ATP6V1E2: variants seen among roughly 807,000 people sequenced by gnomAD.
ATP6V1E2 encodes the protein ATPase H+ transporting V1 subunit E2.
For synonymous variants in ATP6V1E2, 121 were observed against 104.2 expected (o/e 1.16, Z -0.98); for missense variants, 308 against 273.3 (o/e 1.13, Z -0.90).
intron 1 of ATP6V1E2, chr2:46,541,902 G>T (rs1018861287): frequency 6.6e-6 from 1 of 152,300 alleles, no homozygotes; most frequent in South Asian, 2.1e-4. Context: ...GAATACCTTT[G>T]AGGAACATTG....
intron 4 of ATP6V1E2, among the ~76,000 whole-genome samples, chr2:46,528,384 C>A (rs920019546): frequency 6.6e-6 from 1 of 152,240 alleles, no homozygotes; most frequent in Non-Finnish European, 1.5e-5. Context: ...TATTCACCCC[C>A]CAAAATAGCC....
At chr2:46,516,591 C>A (rs1362484024) in intron 4 of ATP6V1E2, among the ~76,000 whole-genome samples, 1 of 152,146 alleles carries the variant, frequency 6.6e-6, no homozygotes, top group African/African-American at 2.4e-5. Flanking sequence ...GAGACCCTAT[C>A]TCTAAAAAAA....
chr2:46,541,668 G>A (rs1308871449), intron 1 of ATP6V1E2: 1 of 152,326 alleles, frequency 6.6e-6, no homozygotes, highest in Non-Finnish European at 1.5e-5. Flanking sequence ...ATGAAAGGAA[G>A]CGATTACCTC....
At chr2:46,525,504 G>A (rs1232084672) in intron 4 of ATP6V1E2, among the ~76,000 whole-genome samples, 1 of 151,216 alleles carries the variant, frequency 6.6e-6, no homozygotes, top group Admixed American at 6.6e-5. Context: ...GCAGGGACAG[G>A]CACCCTGCTC....
rs1406332406 is a variant in ATP6V1E2 at position 46,524,259 on chromosome 2, A to T, written c.-101-11447T>A. Among the ~76,000 whole-genome samples the T allele has an allele frequency of 4.6e-5, 7 of 152,246 alleles. No homozygotes were observed. The East Asian group carries it at 1.4e-3, about 29-fold the overall frequency. On this transcript the variant is annotated intron_variant, in intron 4 of 4. Coordinates refer to ENST00000522587, the MANE Select transcript of ATP6V1E2 (RefSeq NM_001318063.2). ...TGAAGATGTTTAAACCAGGTAGGGG[A>T]TGGTTTGAGACCTTCCATGGGTAAC... is the stretch of plus-strand genomic sequence containing the variant.
intron 4 of ATP6V1E2, among the ~76,000 whole-genome samples, chr2:46,517,125 A>G (rs910013228): frequency 6.6e-6 from 1 of 152,250 alleles, no homozygotes; most frequent in African/African-American, 2.4e-5. Context: ...TGGTACTGGC[A>G]TAAAGCTAGA....
At chr2:46,513,553 C>T (rs906752937) in intron 4 of ATP6V1E2, among the ~76,000 whole-genome samples, 1 of 152,216 alleles carries the variant, frequency 6.6e-6, no homozygotes, top group Admixed American at 6.5e-5. Context: ...TGGCTGGGCG[C>T]AGTGGCTCAC....
At chr2:46,528,105 G>A (rs142699519) in intron 4 of ATP6V1E2, 34 of 152,320 alleles carry the variant, frequency 2.2e-4, no homozygotes, top group African/African-American at 7.0e-4. Context: ...ATTACAGGTG[G>A]TAAGGTTAAG....
intron 4 of ATP6V1E2, chr2:46,527,888 G>C (rs1046557299): frequency 1.3e-5 from 2 of 151,910 alleles, no homozygotes; most frequent in African/African-American, 4.8e-5. Context: ...TTGTTTTTTT[G>C]TTGTTGTTGA....
chr2:46,538,564 G>A lies in ATP6V1E2; in HGVS notation c.-309-1861C>T, dbSNP rs558249106. 1.1e-4 allele frequency among the ~76,000 whole-genome samples: 16 copies of A among 151,814 alleles called. No homozygotes were observed. In the South Asian group the frequency reaches 2.7e-3, roughly 26 times the overall value. The stretch of plus-strand genomic sequence containing the variant: ...GAACAGTTGTGCAACAGGATCTCGG[G>A]GGTGATGCAAATTAGTAACTCACAG... On this transcript the variant is annotated intron_variant, in intron 2 of 4. Transcript: ENST00000522587.
At chr2:46,532,485 A>G (rs1462951491) in intron 4 of ATP6V1E2, among the ~76,000 whole-genome samples, 2 of 152,060 alleles carry the variant, frequency 1.3e-5, no homozygotes, top group African/African-American at 4.8e-5. Context: ...TACCTTTGTT[A>G]TAGTTTGAAT....
chr2:46,516,200 C>T (rs1442745199), intron 4 of ATP6V1E2, among the ~76,000 whole-genome samples: 1 of 152,136 alleles, frequency 6.6e-6, no homozygotes, highest in Non-Finnish European at 1.5e-5. Context: ...ATATGCAGAG[C>T]CTTCCACCCA....
At chr2:46,533,781 G>T (rs899015708) in intron 4 of ATP6V1E2, among the ~76,000 whole-genome samples, 5 of 151,866 alleles carry the variant, frequency 3.3e-5, no homozygotes, top group Non-Finnish European at 5.9e-5. Flanking sequence ...GCCTTTTGTT[G>T]TCTGACAAAC....
At chr2:46,524,583 A>C (rs138919663) in intron 4 of ATP6V1E2, among the ~76,000 whole-genome samples, 2,549 of 152,290 alleles carry the variant, frequency 0.017, 69 homozygotes, top group African/African-American at 0.057. Flanking sequence ...ATGGGATGGG[A>C]TAAGGGGCAG....
intron 4 of ATP6V1E2, among the ~76,000 whole-genome samples, chr2:46,520,953 G>A (rs967946691): frequency 1.4e-4 from 22 of 152,118 alleles, no homozygotes; most frequent in Admixed American, 1.4e-3. Context: ...ATATTACGAG[G>A]CAAATATCCT....
At chr2:46,524,920 A>G (rs1666818931) in intron 4 of ATP6V1E2, among the ~76,000 whole-genome samples, 1 of 152,188 alleles carries the variant, frequency 6.6e-6, no homozygotes. Context: ...AAAAGAGCCC[A>G]TCAAAGGCTT....
chr2:46,519,788 T>C (rs1285035093), intron 4 of ATP6V1E2: 1 of 152,242 alleles, frequency 6.6e-6, no homozygotes, highest in African/African-American at 2.4e-5. Context: ...ACTACTATTA[T>C]TGTCCTCGTC....
At chr2:46,534,485 G>T (rs974125656) in intron 4 of ATP6V1E2, 1 of 151,038 alleles carries the variant, frequency 6.6e-6, no homozygotes, top group Admixed American at 6.6e-5. Context: ...GTCTGCTAAC[G>T]TTATTATCTC....
intron 2 of ATP6V1E2, among the ~76,000 whole-genome samples, chr2:46,539,284 T>C (rs1366213923): frequency 6.6e-6 from 1 of 152,198 alleles, no homozygotes; most frequent in Non-Finnish European, 1.5e-5. Flanking sequence ...GAAATTTGTG[T>C]TTATTCCCTT....
Sources: allele counts gnomAD v4.1 joint callset (sites outside exome capture counted in the v4.1 genomes callset), GRCh38; gene constraint gnomAD v4.1.1; transcripts MANE v1.5; gene names NCBI Gene and HGNC (gene_info 2026-07-23, HGNC 2026-07-21).